The following DENND3 variants were observed in gnomAD, a reference collection of about 807,000 sequenced individuals.
The protein encoded by DENND3 is DENN domain containing 3, also known as DENN domain-containing protein 3.
DENND3 carries 88 observed loss-of-function variants against 135.1 expected under a neutral mutation model. The ratio of observed to expected loss-of-function variants is 0.65; its 90% CI spans 0.55 to 0.78. The LOEUF is 0.78. Ranked by LOEUF, DENND3 falls within the 30% of genes least tolerant of loss-of-function variation. The pLI is 0.00. For missense variants in DENND3, 1,392 were observed against 1,688.4 expected (o/e 0.82, Z 3.08); for synonymous variants, 693 against 712.3 (o/e 0.97, Z 0.43).
At position 141,141,235 on chromosome 8, in the gene DENND3, C is replaced by G; in HGVS notation, c.534C>G (p.His178Gln). The change falls in exon 4 of 23, where the codon CAC becomes CAG. Residue 178 changes from histidine to glutamine, a missense_variant. His to Gln is a conservative substitution (Grantham distance 24). Transcript: ENST00000519811. The surrounding 1 kb of genome is among the most constrained non-coding windows in gnomAD (Gnocchi z 5.3). ...DEYCFYNGKT[H>Q]RECPGCFVPF... is the part of the protein sequence containing the mutation. ...ACTGTTTCTACAATGGCAAAACGCACCGGGAGTGTCCTGGCTGCTTCGTGC... is the reference window on the plus strand; with the variant it reads ...ACTGTTTCTACAATGGCAAAACGCAGCGGGAGTGTCCTGGCTGCTTCGTGC... 6.2e-7 allele frequency: 1 copy of G among 1,614,210 alleles called. No individual in the cohort carries two copies. The highest frequency in any genetic ancestry group is 1.7e-4 in the Middle Eastern group (1 of 6,060).
Position 141,166,391 on chromosome 8 carries a change from T to C in DENND3, c.1753+2T>C. The C allele has an allele frequency of 6.2e-7, 1 of 1,610,070 alleles. No homozygotes were observed. The highest frequency in any genetic ancestry group is 8.5e-7 in the Non-Finnish European group (1 of 1,179,480). On this transcript the variant is annotated splice_donor_variant, in intron 12 of 22. Coordinates refer to ENST00000519811, the MANE Select transcript of DENND3 (RefSeq NM_001352890.3). LOFTEE classifies it high-confidence loss of function. The surrounding 1 kb of genome is among the most constrained non-coding windows in gnomAD (Gnocchi z 4.3). Reference sequence around the variant, plus strand: ...CAGGCTGTAGGGGCAGCAGCGCAGGTGAGGGCTGCCCCCCACTGTGGTGCT... The same window carrying C: ...CAGGCTGTAGGGGCAGCAGCGCAGGCGAGGGCTGCCCCCCACTGTGGTGCT...
chr8:141,155,709 T>C, intron 7 of DENND3, 140 bp from the exon 8 acceptor site: 1 of 1,102,748 alleles, frequency 9.1e-7, no homozygotes, highest in South Asian at 1.8e-5. Flanking sequence ...ACCCGGCCTA[T>C]GTGTGCATTT....
chr8:141,138,287 C>A lies in DENND3; in HGVS notation c.501+150C>A. 1 of 851,074 alleles carries A rather than the reference C, an allele frequency of 1.2e-6. No individual in the cohort carries two copies. Among genetic ancestry groups the A allele is most frequent in the Non-Finnish European group, 1.8e-6 (1 of 548,620 alleles). 52.7% of individuals were successfully genotyped at this position (851,074 alleles called of 1,614,324 possible). On this transcript the variant is annotated intron_variant, in intron 3 of 22. Transcript: ENST00000519811. The surrounding 1 kb of genome is among the most constrained non-coding windows in gnomAD (Gnocchi z 4.8). ...ATTCACAGCATTGTGCAACCACCAC[C>A]AATGTCTAGGTCCAAAACGCTTTCA...
chr8:141,151,468 G>A lies in DENND3; in HGVS notation c.856-151G>A, dbSNP rs1818789894. On this transcript the variant is annotated intron_variant, in intron 6 of 22. Transcript: ENST00000519811. The stretch of plus-strand genomic sequence containing the variant: ...CCCATCTGCTTGGGAGGCCAAGGTG[G>A]GAGGATTGCTTAAGCCCAGGAGTTC... 18 of 674,614 alleles carry A rather than the reference G, an allele frequency of 2.7e-5. No individual in the cohort carries two copies. The East Asian group carries it at 5.1e-4, about 19-fold the overall frequency. 41.8% of individuals were successfully genotyped at this position (674,614 alleles called of 1,614,324 possible). A position where few individuals can be genotyped will look rare whatever the true frequency, so the allele number is the denominator to read the frequency against.
At chr8:141,181,864 C>T (rs1359636402) in intron 17 of DENND3, among the ~76,000 whole-genome samples, 12 of 152,124 alleles carry the variant, frequency 7.9e-5, no homozygotes, top group Admixed American at 1.3e-4. Context: ...CCTCAACCTC[C>T]TGGATTCAAG....
chr8:141,160,854 C>A, intron 9 of DENND3, 67 bp downstream of exon 9: 1 of 1,541,976 alleles, frequency 6.5e-7, no homozygotes, highest in South Asian at 1.2e-5. Flanking sequence ...CTATGGGGAT[C>A]GTGCACCCCG....
chr8:141,141,268 G>A lies in DENND3; in HGVS notation c.567G>A (p.Ala189=), dbSNP rs541855930. The change falls in exon 4 of 23, where the codon GCG becomes GCA. Residue 189 remains alanine (A), a synonymous_variant. Coordinates refer to ENST00000519811, the MANE Select transcript of DENND3 (RefSeq NM_001352890.3). The surrounding 1 kb of genome is among the most constrained non-coding windows in gnomAD (Gnocchi z 5.3). ...GTCCTGGCTGCTTCGTGCCCTTCGC[G>A]GTGTGCGTGGTCTCCAGGTTTCCCT... ...RECPGCFVPF[A]VCVVSRFPYY... 22 of 1,614,164 alleles carry A rather than the reference G, an allele frequency of 1.4e-5. No individual in the cohort carries two copies. The highest frequency in any genetic ancestry group is 1.7e-4 in the Middle Eastern group (1 of 6,044).
At chr8:141,143,970 C>G in intron 4 of DENND3, 178 bp from the exon 5 acceptor site, 1 of 550,014 alleles carries the variant, frequency 1.8e-6, no homozygotes. Flanking sequence ...CAGGCACTAC[C>G]GCAGACCTGG....
rs561453182 is a variant in DENND3 at position 141,175,051 on chromosome 8, T to C, written c.2276-149T>C. On this transcript the variant is annotated intron_variant, in intron 13 of 22. Transcript: ENST00000519811. This position sits in a 1 kb window ranked among gnomAD's most constrained non-coding sequence, Gnocchi z 5.4. ...GCAGGGAAGGCCCTGGGAAACCTTC[T>C]AGGCAGTTTCCATCCAGCGCCCTGA... 1.2e-5 allele frequency: 11 copies of C among 884,230 alleles called. No homozygotes were observed. In the African/African-American group the frequency reaches 1.5e-4, roughly 12 times the overall value. 54.8% of individuals were successfully genotyped at this position (884,230 alleles called of 1,614,324 possible).
In DENND3 at chr8:141,168,536, G is replaced by T. The variant is rs1198826823; in HGVS notation, c.2275+11G>T. The T allele has an allele frequency of 1.3e-6, 2 of 1,592,100 alleles. No individual in the cohort carries two copies. Among genetic ancestry groups the T allele is most frequent in the Admixed American group, 1.7e-5 (1 of 57,832 alleles). On this transcript the variant is annotated intron_variant, in intron 13 of 22. Transcript: ENST00000519811. The surrounding 1 kb of genome is among the most constrained non-coding windows in gnomAD (Gnocchi z 6.2). ...AGGCCTTGACTGTAGGTAAGAGGAG[G>T]CCTGGCACCATCACAGATTTTATTA...
rs190343573 is a variant in DENND3, at chr8:141,169,650, C to A, written c.2275+1125C>A. Among the ~76,000 whole-genome samples the A allele has an allele frequency of 7.9e-5, 12 of 152,288 alleles. No homozygotes were observed. The East Asian group carries it at 1.5e-3, about 20-fold the overall frequency. On this transcript the variant is annotated intron_variant, in intron 13 of 22. Coordinates refer to ENST00000519811, the MANE Select transcript of DENND3 (RefSeq NM_001352890.3). ...AGGGAGCCACTGTCCGAAGCTGGAGCTTTCTTTTCTGGCCATGTTTTTATG... is the reference window on the plus strand; with the variant it reads ...AGGGAGCCACTGTCCGAAGCTGGAGATTTCTTTTCTGGCCATGTTTTTATG...
At chr8:141,158,735 C>G (rs1234189860) in intron 8 of DENND3, among the ~76,000 whole-genome samples, 1 of 152,206 alleles carries the variant, frequency 6.6e-6, no homozygotes, top group Non-Finnish European at 1.5e-5. Flanking sequence ...CCCCAGCACC[C>G]TTGGCTCTTG....
rs307769 is a variant in DENND3 at position 141,139,800 on chromosome 8, T to C, written c.502-1403T>C. 0.1 allele frequency among the ~76,000 whole-genome samples: 15,305 copies of C among 152,298 alleles called. 2,620 individuals carry two copies. The highest frequency in any genetic ancestry group is 0.35 in the African/African-American group (14,428 of 41,510). On this transcript the variant is annotated intron_variant, in intron 3 of 22. Coordinates refer to ENST00000519811, the MANE Select transcript of DENND3 (RefSeq NM_001352890.3). The surrounding 1 kb of genome is among the most constrained non-coding windows in gnomAD (Gnocchi z 4.2). ...GGCCTGGCGTGGGCATGCCTGGTCCTGCTCCTGCCTTCCCAGCAGCTGTGT... is the reference window on the plus strand; with the variant it reads ...GGCCTGGCGTGGGCATGCCTGGTCCCGCTCCTGCCTTCCCAGCAGCTGTGT...
At position 141,176,775 on chromosome 8, in the gene DENND3, G is replaced by A. The variant is rs373211509; in HGVS notation, c.2706+14G>A. On this transcript the variant is annotated intron_variant, in intron 15 of 22. Coordinates refer to ENST00000519811, the MANE Select transcript of DENND3 (RefSeq NM_001352890.3). ...GATGACCACAAGGTGGGAGACGCGG[G>A]TCCCCTCTGCCCTTTGCTGTGGCTG... is the stretch of plus-strand genomic sequence containing the variant. The A allele has an allele frequency of 4.5e-5, 72 of 1,610,860 alleles. No individual in the cohort carries two copies. In the African/African-American group the frequency reaches 8.9e-4, roughly 20 times the overall value.
At chr8:141,176,404 G>T in intron 14 of DENND3, 187 bp from the exon 15 acceptor site, 1 of 670,150 alleles carries the variant, frequency 1.5e-6, no homozygotes, top group East Asian at 2.8e-5. Flanking sequence ...CGCACCGCAG[G>T]TGAATCCTAC....
chr8:141,155,778 G>A, intron 7 of DENND3, 71 bp from the exon 8 acceptor site: 2 of 1,487,740 alleles, frequency 1.3e-6, no homozygotes, highest in Admixed American at 2.2e-5. Context: ...ACATATTTAT[G>A]TGTTTTCAAA....
rs941995073 is a variant in DENND3, at chr8:141,167,151, C to T, written c.1753+762C>T. Among the ~76,000 whole-genome samples the T allele has an allele frequency of 6.6e-6, 1 of 152,176 alleles. No homozygotes were observed. The highest frequency in any genetic ancestry group is 1.5e-5 in the Non-Finnish European group (1 of 68,024). On this transcript the variant is annotated intron_variant, in intron 12 of 22. Transcript: ENST00000519811. The surrounding 1 kb of genome is among the most constrained non-coding windows in gnomAD (Gnocchi z 4.1). ...GAATGACAGACCACGTTGTCTTTAT[C>T]GGCTGAGCGCTGGAGCTCAGAGCGA...
chr8:141,177,010 G>A (rs906264373), intron 15 of DENND3: 10 of 486,952 alleles, frequency 2.1e-5, no homozygotes, highest in Admixed American at 1.8e-4. Context: ...GGCAGGTGTG[G>A]GTGCCCCACT....
intron 1 of DENND3, among the ~76,000 whole-genome samples, chr8:141,131,022 C>T (rs192865269): frequency 6.6e-6 from 1 of 152,156 alleles, no homozygotes; most frequent in African/African-American, 2.4e-5. Flanking sequence ...TTACAAATCC[C>T]CATTTCTCTG....
Sources: gnomAD v4.1 joint callset for allele counts (sites outside exome capture counted in the v4.1 genomes callset) on GRCh38, gnomAD v4.1.1 for gene constraint, Gnocchi (gnomAD v3.1) non-coding constraint, MANE v1.5 for transcripts, NCBI Gene and HGNC (gene_info 2026-07-23, HGNC 2026-07-21) for gene names.